WDR7: variants seen among roughly 807,000 people sequenced by gnomAD.
The protein encoded by WDR7 is WD repeat domain 7.
In WDR7, 46 loss-of-function variants were observed where a neutral mutation model predicts 169.4. That is an observed-to-expected ratio of 0.27 (90% CI 0.21 to 0.35). The LOEUF is 0.35. Among genes scored for constraint, WDR7 ranks in the 10% least tolerant of loss-of-function variants. The pLI is 1.00. For synonymous variants in WDR7, 612 were observed against 666.8 expected (o/e 0.92, Z 1.27); for missense variants, 1,534 against 1,859.3 (o/e 0.83, Z 3.22).
intron 20 of WDR7, among the ~76,000 whole-genome samples, chr18:56,866,445 G>A (rs926830827): frequency 2.6e-5 from 4 of 151,712 alleles, no homozygotes; most frequent in African/African-American, 9.7e-5. Flanking sequence ...TAAGTAAAAG[G>A]TGGACTTCAG....
intron 2 of WDR7, among the ~76,000 whole-genome samples, chr18:56,677,599 C>A (rs1352173757): frequency 1.3e-5 from 2 of 152,150 alleles, no homozygotes; most frequent in Non-Finnish European, 2.9e-5. Context: ...ATTCACCCAC[C>A]TCGGACCTCC....
intron 20 of WDR7, among the ~76,000 whole-genome samples, chr18:56,859,130 C>G (rs1364875565): frequency 6.6e-6 from 1 of 152,036 alleles, no homozygotes; most frequent in African/African-American, 2.4e-5. Context: ...TGAGGTCCTC[C>G]CCTTTGTCTA....
chr18:56,772,168 C>T (rs1430491928), intron 16 of WDR7, among the ~76,000 whole-genome samples: 2 of 148,428 alleles, frequency 1.3e-5, no homozygotes, highest in Non-Finnish European at 3.0e-5. Context: ...ATAGCAATTT[C>T]AGACACTCAT....
At chr18:56,657,663 A>C (rs1416141677) in intron 1 of WDR7, among the ~76,000 whole-genome samples, 1 of 152,230 alleles carries the variant, frequency 6.6e-6, no homozygotes, top group Non-Finnish European at 1.5e-5. Context: ...GTTAACTTAC[A>C]ATTTGAATTC....
chr18:57,009,922 C>T (rs1033335128), intron 26 of WDR7: 1 of 985,426 alleles, frequency 1.0e-6, no homozygotes, highest in Middle Eastern at 5.2e-4. Flanking sequence ...AAACCATCTT[C>T]CGTTAACCAT....
chr18:56,763,840 A>C (rs1178556559), intron 16 of WDR7, among the ~76,000 whole-genome samples: 1 of 152,192 alleles, frequency 6.6e-6, no homozygotes, highest in African/African-American at 2.4e-5. Flanking sequence ...TTTATCAGCA[A>C]AAAGTTGTGT....
chr18:57,014,151 C>A (rs1315010750), intron 26 of WDR7, among the ~76,000 whole-genome samples: 1 of 151,728 alleles, frequency 6.6e-6, no homozygotes, highest in Admixed American at 6.6e-5. Context: ...CTTGGGGAAA[C>A]CCTGTCTCCA....
At chr18:56,918,388 A>C (rs1049990786) in intron 21 of WDR7, among the ~76,000 whole-genome samples, 3 of 152,196 alleles carry the variant, frequency 2.0e-5, no homozygotes, top group Non-Finnish European at 4.4e-5. Flanking sequence ...GGTGCTCTTT[A>C]GTTCCCCCAG....
rs374077935 is a variant in WDR7, at chr18:56,803,734, G to A, written c.3191-12297G>A. Among the ~76,000 whole-genome samples, 12 of 152,226 alleles carry A rather than the reference G, an allele frequency of 7.9e-5. No homozygotes were observed. In the East Asian group the frequency reaches 1.9e-3, roughly 24 times the overall value. On this transcript the variant is annotated intron_variant, in intron 19 of 27. Coordinates refer to ENST00000254442, the MANE Select transcript of WDR7 (RefSeq NM_015285.3). Reference sequence around the variant, plus strand: ...TAATGATACTATAATGCTACTTATTGAGCACTTACCACATCTCAGGCACTG... The same window carrying A: ...TAATGATACTATAATGCTACTTATTAAGCACTTACCACATCTCAGGCACTG...
intron 19 of WDR7, among the ~76,000 whole-genome samples, chr18:56,803,769 C>T (rs1169518437): frequency 6.6e-6 from 1 of 152,182 alleles, no homozygotes; most frequent in Non-Finnish European, 1.5e-5. Context: ...GTGCTAAACT[C>T]AACCCCTTGT....
chr18:56,805,002 C>T (rs556695871), intron 19 of WDR7, among the ~76,000 whole-genome samples: 37 of 152,086 alleles, frequency 2.4e-4, no homozygotes, highest in Non-Finnish European at 4.7e-4. Context: ...CTCCCTGGAC[C>T]CTGGAAGACC....
At chr18:56,944,070 C>T (rs146831003) in intron 25 of WDR7, among the ~76,000 whole-genome samples, 5,593 of 144,142 alleles carry the variant, frequency 0.039, 130 homozygotes, top group Non-Finnish European at 0.053. Context: ...CTCACTGCAA[C>T]CTCTGCCTCC....
At chr18:56,694,543 T>C in intron 9 of WDR7, 76 bp from the exon 10 acceptor site, 4 of 1,429,494 alleles carry the variant, frequency 2.8e-6, no homozygotes, top group Non-Finnish European at 3.8e-6. Context: ...CTAATATCTT[T>C]GTTTGAAAAG....
intron 14 of WDR7, among the ~76,000 whole-genome samples, chr18:56,752,680 G>T (rs1459521970): frequency 6.6e-6 from 1 of 152,160 alleles, no homozygotes; most frequent in Non-Finnish European, 1.5e-5. Flanking sequence ...ATTGTGTAGT[G>T]CAAATTTATC....
chr18:56,780,170 T>G (rs1428817131), intron 18 of WDR7, among the ~76,000 whole-genome samples: 1 of 152,234 alleles, frequency 6.6e-6, no homozygotes, highest in East Asian at 1.9e-4. Flanking sequence ...AGGAGCTCAC[T>G]AAATGGTAGC....
intron 25 of WDR7, among the ~76,000 whole-genome samples, 199 bp downstream of exon 25, chr18:56,939,592 A>T (rs901071112): frequency 2.0e-5 from 3 of 152,166 alleles, no homozygotes; most frequent in Non-Finnish European, 4.4e-5. Context: ...AAATTGGGTG[A>T]TGAAGATATT....
rs1483675313 is a variant in WDR7 at position 56,816,924 on chromosome 18, G to GT, written c.3304+781dup. On this transcript the variant is annotated intron_variant, in intron 20 of 27. Coordinates refer to ENST00000254442, the MANE Select transcript of WDR7 (RefSeq NM_015285.3). ...TGAAGCAACAAATATTAATTTAATA[G>GT]TAAAAAATGTTAATTTACTACTAAT... 6.6e-5 allele frequency among the ~76,000 whole-genome samples: 10 copies of GT among 152,174 alleles called. No homozygotes were observed. The South Asian group carries it at 2.1e-3, about 32-fold the overall frequency.
intron 23 of WDR7, among the ~76,000 whole-genome samples, chr18:56,938,260 C>T (rs904813165): frequency 6.6e-6 from 1 of 152,178 alleles, no homozygotes; most frequent in Non-Finnish European, 1.5e-5. Context: ...GTACCAAATT[C>T]ACAAGTCCTC....
At chr18:56,998,274 C>T (rs1362752123) in intron 26 of WDR7, among the ~76,000 whole-genome samples, 1 of 152,172 alleles carries the variant, frequency 6.6e-6, no homozygotes, top group Non-Finnish European at 1.5e-5. Context: ...GAGCTGTGCT[C>T]GTTCCCCAGG....
Sources: allele counts gnomAD v4.1 joint callset (sites outside exome capture counted in the v4.1 genomes callset), GRCh38; gene constraint gnomAD v4.1.1; transcripts MANE v1.5; gene names NCBI Gene and HGNC (gene_info 2026-07-23, HGNC 2026-07-21).